Variants in SLC35D4 observed in about 807,000 individuals in gnomAD.
SLC35D4 encodes solute carrier family 35 member D4, also known as UDP-N-acetylglucosamine transporter SLC35D4.
At chr18:23,435,298 C>G in the SLC35D4 span, among the ~76,000 whole-genome samples, 1 of 151,860 alleles carries the variant, frequency 6.6e-6, no homozygotes, top group East Asian at 1.9e-4. Flanking sequence ...AATGCCATGG[C>G]TCATGGGCTT....
At chr18:23,253,598 G>A in the SLC35D4 span, 5 of 745,518 alleles carry the variant, frequency 6.7e-6, no homozygotes, top group Non-Finnish European at 1.1e-5. Context: ...ACACTCCCAG[G>A]GACTTAATCC....
chr18:23,265,013 T>G, the SLC35D4 span, among the ~76,000 whole-genome samples: 1 of 150,912 alleles, frequency 6.6e-6, no homozygotes, highest in South Asian at 2.1e-4. Context: ...AAGCTATTCA[T>G]GAGGGATCCA....
At chr18:23,399,533 A>C in the SLC35D4 span, 1 of 1,590,496 alleles carries the variant, frequency 6.3e-7, no homozygotes, top group Non-Finnish European at 8.6e-7. Flanking sequence ...AAAGGGAGAG[A>C]GGAGTTGTTT....
the SLC35D4 span, among the ~76,000 whole-genome samples, chr18:23,268,379 T>C: frequency 2.0e-3 from 304 of 152,336 alleles, 1 homozygote; most frequent in Non-Finnish European, 1.7e-3. Context: ...AAGTATTTGC[T>C]GAACATTTGT....
At chr18:23,330,287 T>A in the SLC35D4 span, among the ~76,000 whole-genome samples, 1 of 152,088 alleles carries the variant, frequency 6.6e-6, no homozygotes, top group East Asian at 1.9e-4. Context: ...ATAAAAAAAA[T>A]TTCCCAAAGA....
chr18:23,338,044 T>A, the SLC35D4 span, among the ~76,000 whole-genome samples: 1 of 152,200 alleles, frequency 6.6e-6, no homozygotes, highest in Non-Finnish European at 1.5e-5. Context: ...CTTTGAAGGA[T>A]CCCTGGCAAT....
At chr18:23,284,139 C>T in the SLC35D4 span, among the ~76,000 whole-genome samples, 1 of 152,146 alleles carries the variant, frequency 6.6e-6, no homozygotes, top group Non-Finnish European at 1.5e-5. Flanking sequence ...TTCATTGCCA[C>T]CTTGGTTTTG....
chr18:23,353,376 G>T, the SLC35D4 span, among the ~76,000 whole-genome samples: 1 of 152,124 alleles, frequency 6.6e-6, no homozygotes, highest in Non-Finnish European at 1.5e-5. Context: ...AGCAGGAAAA[G>T]CCCAATCTTG....
At chr18:23,389,142 T>A in the SLC35D4 span, among the ~76,000 whole-genome samples, 1 of 152,014 alleles carries the variant, frequency 6.6e-6, no homozygotes, top group South Asian at 2.1e-4. Context: ...GGCCCTGCCA[T>A]GAAGCCCAGC....
chr18:23,375,196 A>G, the SLC35D4 span, among the ~76,000 whole-genome samples: 1 of 151,866 alleles, frequency 6.6e-6, no homozygotes, highest in Non-Finnish European at 1.5e-5. Flanking sequence ...GCAACATTTG[A>G]ACATGGACTC....
the SLC35D4 span, among the ~76,000 whole-genome samples, chr18:23,301,381 G>A: frequency 2.0e-5 from 3 of 152,146 alleles, no homozygotes; most frequent in East Asian, 3.8e-4. Context: ...AGTGTGATGG[G>A]GGGACGTTTT....
At chr18:23,287,586 G>A in the SLC35D4 span, among the ~76,000 whole-genome samples, 3 of 152,082 alleles carry the variant, frequency 2.0e-5, no homozygotes, top group Non-Finnish European at 2.9e-5. Context: ...TCCTTCCTGG[G>A]CATGGTTGGA....
chr18:23,308,222 C>G, the SLC35D4 span, among the ~76,000 whole-genome samples: 1 of 152,104 alleles, frequency 6.6e-6, no homozygotes, highest in African/African-American at 2.4e-5. Context: ...GGAAGGCATC[C>G]GGGCCGAAGT....
chr18:23,386,352 G>A, the SLC35D4 span, among the ~76,000 whole-genome samples: 243 of 152,082 alleles, frequency 1.6e-3, 1 homozygote, highest in Non-Finnish European at 2.9e-3. Flanking sequence ...CACAGAGAAG[G>A]GGCAATGTGA....
At chr18:23,246,553 G>T in the SLC35D4 span, among the ~76,000 whole-genome samples, 1 of 151,578 alleles carries the variant, frequency 6.6e-6, no homozygotes, top group Non-Finnish European at 1.5e-5. Flanking sequence ...CACCACACCC[G>T]GCTAATTTTT....
At chr18:23,424,083 T>A in the SLC35D4 span, among the ~76,000 whole-genome samples, 2 of 151,982 alleles carry the variant, frequency 1.3e-5, no homozygotes, top group Non-Finnish European at 2.9e-5. Flanking sequence ...GGTAAAGAAG[T>A]AAGTTAGGAG....
At chr18:23,249,620 C>A in the SLC35D4 span, among the ~76,000 whole-genome samples, 75,321 of 152,004 alleles carry the variant, frequency 0.5, 19,094 homozygotes, top group Non-Finnish European at 0.55. Flanking sequence ...TCTCTTTGAT[C>A]TTCAAGATAA....
the SLC35D4 span, among the ~76,000 whole-genome samples, chr18:23,413,849 C>A: frequency 6.6e-6 from 1 of 151,162 alleles, no homozygotes; most frequent in Non-Finnish European, 1.5e-5. Flanking sequence ...GAGACTGAGG[C>A]GGGAGAAGTG....
At chr18:23,334,670 C>T in the SLC35D4 span, among the ~76,000 whole-genome samples, 2 of 152,156 alleles carry the variant, frequency 1.3e-5, no homozygotes, top group Non-Finnish European at 2.9e-5. Context: ...AAAGAACGAC[C>T]AGGTTAGCGC....
Sources: gnomAD v4.1 joint callset for allele counts (sites outside exome capture counted in the v4.1 genomes callset) on GRCh38, gnomAD v4.1.1 for gene constraint, MANE v1.5 for transcripts, NCBI Gene and HGNC (gene_info 2026-07-23, HGNC 2026-07-21) for gene names.